Variants in TPST1 observed in about 807,000 individuals in gnomAD.
The protein encoded by TPST1 is tyrosylprotein sulfotransferase 1, also known as protein-tyrosine sulfotransferase 1.
A neutral mutation model predicts 34.8 loss-of-function variants in TPST1; 20 were observed. The ratio of observed to expected loss-of-function variants is 0.57; its 90% CI spans 0.40 to 0.84. The LOEUF (loss-of-function observed/expected upper bound fraction) is 0.84. TPST1 is among the 40% of genes least tolerant of loss of function. TPST1 has a pLI of 0.00. For missense variants in TPST1, 353 were observed against 455.5 expected (o/e 0.78, Z 2.05); for synonymous variants, 152 against 159.4 (o/e 0.95, Z 0.35).
intron 1 of TPST1, among the ~76,000 whole-genome samples, chr7:66,221,365 T>C (rs1789539399): frequency 6.6e-6 from 1 of 151,910 alleles, no homozygotes; most frequent in African/African-American, 2.4e-5. Context: ...CATGGAGAGG[T>C]TAAGGGAGAA....
chr7:66,352,605 T>C, intron 4 of TPST1, 50 bp downstream of exon 4: 1 of 1,587,278 alleles, frequency 6.3e-7, no homozygotes, highest in Non-Finnish European at 8.5e-7. Flanking sequence ...GGCTCTTGCA[T>C]TGAAGTAATA....
intron 2 of TPST1, among the ~76,000 whole-genome samples, chr7:66,251,018 A>G (rs1397619270): frequency 6.6e-6 from 1 of 152,158 alleles, no homozygotes; most frequent in East Asian, 1.9e-4. Context: ...AAAACTTATG[A>G]GTTGTTTATT....
At chr7:66,206,249 C>T (rs1273590283) in intron 1 of TPST1, among the ~76,000 whole-genome samples, 2 of 151,874 alleles carry the variant, frequency 1.3e-5, no homozygotes, top group Non-Finnish European at 2.9e-5. Context: ...TGAGCCACTG[C>T]GCCTGGCTCA....
chr7:66,337,299 ATTTTTTTTT>A (rs749288846), intron 3 of TPST1, among the ~76,000 whole-genome samples: 5 of 107,724 alleles, frequency 4.6e-5, no homozygotes, highest in East Asian at 3.0e-4. Flanking sequence ...TAAAAGACAA[ATTTTTTTTT>A]TTTTTTTTTT....
At chr7:66,245,886 T>C (rs1790136568) in intron 2 of TPST1, among the ~76,000 whole-genome samples, 1 of 152,170 alleles carries the variant, frequency 6.6e-6, no homozygotes. Context: ...AAATATTACA[T>C]GTGGTGTTTT....
intron 4 of TPST1, 145 bp downstream of exon 4, chr7:66,352,700 G>T: frequency 6.7e-7 from 1 of 1,485,282 alleles, no homozygotes; most frequent in Non-Finnish European, 8.9e-7. Flanking sequence ...ATGTGCTGGG[G>T]AAGAAAGATC....
chr7:66,276,313 T>G (rs1248702981), intron 2 of TPST1, among the ~76,000 whole-genome samples: 1 of 147,700 alleles, frequency 6.8e-6, no homozygotes, highest in Admixed American at 6.7e-5. Flanking sequence ...CTGTTAATAT[T>G]TTTCACTTTC....
chr7:66,264,778 A>C (rs750191779), intron 2 of TPST1, among the ~76,000 whole-genome samples: 1 of 152,206 alleles, frequency 6.6e-6, no homozygotes, highest in African/African-American at 2.4e-5. Flanking sequence ...ACACAACAAG[A>C]AAAAAAGCCA....
At chr7:66,226,046 C>G (rs1789649164) in intron 1 of TPST1, among the ~76,000 whole-genome samples, 2 of 152,002 alleles carry the variant, frequency 1.3e-5, no homozygotes. Flanking sequence ...GTCACCACAC[C>G]TGGCTAATTT....
chr7:66,359,882 T>C lies in TPST1; in HGVS notation c.*30-13T>C, dbSNP rs773949684. ...CTCCACACCTGTAACCACATTCTGTTTGTTCGCCCTAGGAAAGATTGCTGC... is the reference window on the plus strand; with the variant it reads ...CTCCACACCTGTAACCACATTCTGTCTGTTCGCCCTAGGAAAGATTGCTGC... On this transcript the variant is annotated splice_polypyrimidine_tract_variant and intron_variant, in intron 5 of 5. Coordinates refer to ENST00000304842, the MANE Select transcript of TPST1 (RefSeq NM_003596.4). 8.8e-6 allele frequency: 4 copies of C among 456,644 alleles called. No individual in the cohort carries two copies. The highest frequency in any genetic ancestry group is 6.2e-5 in the South Asian group (4 of 64,568). 28.3% of individuals were successfully genotyped at this position (456,644 alleles called of 1,614,324 possible). A position where few individuals can be genotyped will look rare whatever the true frequency, so the allele number is the denominator to read the frequency against.
chr7:66,256,116 T>G (rs1361793904), intron 2 of TPST1, among the ~76,000 whole-genome samples: 1 of 152,234 alleles, frequency 6.6e-6, no homozygotes, highest in Non-Finnish European at 1.5e-5. Flanking sequence ...AATGATTTAT[T>G]TATTTTTTCC....
At chr7:66,301,466 G>A (rs10263690) in intron 3 of TPST1, among the ~76,000 whole-genome samples, 4 of 152,070 alleles carry the variant, frequency 2.6e-5, no homozygotes, top group African/African-American at 7.2e-5. Context: ...CTATTTGATG[G>A]AAGAGGCCTG....
chr7:66,341,845 A>G (rs930242568), intron 3 of TPST1, among the ~76,000 whole-genome samples: 1 of 152,234 alleles, frequency 6.6e-6, no homozygotes, highest in Admixed American at 6.5e-5. Context: ...GGTGAGGTGA[A>G]GGAACAAGAA....
intron 2 of TPST1, among the ~76,000 whole-genome samples, chr7:66,257,923 T>G (rs1054455412): frequency 2.6e-5 from 4 of 152,200 alleles, no homozygotes; most frequent in Non-Finnish European, 5.9e-5. Flanking sequence ...TCATCTGACT[T>G]TCCTTAATCA....
chr7:66,352,440 A>G, intron 3 of TPST1, 65 bp from the exon 4 acceptor site: 1 of 1,580,530 alleles, frequency 6.3e-7, no homozygotes, highest in Non-Finnish European at 8.5e-7. Flanking sequence ...CAGGCATGGC[A>G]CATGTCCTGC....
intron 3 of TPST1, among the ~76,000 whole-genome samples, chr7:66,325,877 G>A (rs1389858840): frequency 6.6e-6 from 1 of 152,094 alleles, no homozygotes; most frequent in Non-Finnish European, 1.5e-5. Flanking sequence ...CTCGTGATCT[G>A]CCCGCCTTGG....
chr7:66,273,155 G>A (rs1328097850), intron 2 of TPST1, among the ~76,000 whole-genome samples: 2 of 151,890 alleles, frequency 1.3e-5, no homozygotes, highest in Non-Finnish European at 2.9e-5. Flanking sequence ...GTCCAAAAAA[G>A]AAATGATGAA....
intron 1 of TPST1, among the ~76,000 whole-genome samples, chr7:66,215,042 A>G (rs1789361886): frequency 6.8e-6 from 1 of 147,246 alleles, no homozygotes; most frequent in Non-Finnish European, 1.5e-5. Context: ...AATCTATATT[A>G]TATTAAATAT....
intron 3 of TPST1, among the ~76,000 whole-genome samples, chr7:66,311,800 C>T (rs1791538125): frequency 6.6e-6 from 1 of 152,146 alleles, no homozygotes; most frequent in Admixed American, 6.6e-5. Context: ...AAAAATTTGT[C>T]CACAGGACGA....
Sources: gnomAD v4.1 joint callset for allele counts (sites outside exome capture counted in the v4.1 genomes callset) on GRCh38, gnomAD v4.1.1 for gene constraint, MANE v1.5 for transcripts, NCBI Gene and HGNC (gene_info 2026-07-23, HGNC 2026-07-21) for gene names.